The following ST14 variants were observed in gnomAD, a reference collection of about 807,000 sequenced individuals.
The protein encoded by ST14 is ST14 transmembrane serine protease matriptase, also known as suppressor of tumorigenicity 14 protein.
A neutral mutation model predicts 96.5 loss-of-function variants in ST14; 40 were observed. The observed-to-expected ratio is 0.41, with a 90% confidence interval of 0.32 to 0.54. The LOEUF is 0.54. ST14 is among the 20% of genes least tolerant of loss of function. The pLI, the probability that ST14 is intolerant of heterozygous loss-of-function variation, is 0.17. For synonymous variants in ST14, 506 were observed against 492.1 expected (o/e 1.03, Z -0.37); for missense variants, 1,066 against 1,188.9 (o/e 0.90, Z 1.52).
rs1229724952 is a variant in ST14 at position 130,209,613 on chromosome 11, C to A, written c.2406+35C>A. 4.4e-6 allele frequency: 7 copies of A among 1,592,282 alleles called. No homozygotes were observed. In the Admixed American group the frequency reaches 1.2e-4, roughly 28 times the overall value. On this transcript the variant is annotated intron_variant, in intron 18 of 18. Coordinates refer to ENST00000278742, the MANE Select transcript of ST14 (RefSeq NM_021978.4). The stretch of plus-strand genomic sequence containing the variant: ...GGGGCAGGAGGGCGGCAGGTGGGCC[C>A]CGGGAGAGGCGGGACTGGGGACTCA...
At chr11:130,194,976 C>T (rs1953345605) in intron 9 of ST14, among the ~76,000 whole-genome samples, 1 of 151,980 alleles carries the variant, frequency 6.6e-6, no homozygotes, top group Non-Finnish European at 1.5e-5. Flanking sequence ...AGCCAGATGT[C>T]GTGACTCACA....
rs1455393392 is a variant in ST14, at chr11:130,194,756, G to A, written c.1113+19G>A. 3 of 1,612,000 alleles carry A rather than the reference G, an allele frequency of 1.9e-6. No homozygotes were observed. The highest frequency in any genetic ancestry group is 2.5e-6 in the Non-Finnish European group (3 of 1,178,452). ...CATTGAGGTAGGAGCTATGGGGCGT[G>A]TGAACGTGTGTGTGTGTGAGCATGT... On this transcript the variant is annotated intron_variant, in intron 9 of 18. Coordinates refer to ENST00000278742, the MANE Select transcript of ST14 (RefSeq NM_021978.4).
intron 15 of ST14, among the ~76,000 whole-genome samples, chr11:130,199,412 G>A (rs1338841620): frequency 6.6e-6 from 1 of 152,172 alleles, no homozygotes; most frequent in Non-Finnish European, 1.5e-5. Flanking sequence ...CAAGCCCAAG[G>A]CAGGGTGTCA....
At chr11:130,163,323 T>A (rs980425742) in intron 1 of ST14, among the ~76,000 whole-genome samples, 8 of 152,226 alleles carry the variant, frequency 5.3e-5, no homozygotes, top group African/African-American at 1.9e-4. Context: ...CTAGGAGAAA[T>A]ATCTTTCTAT....
chr11:130,159,950 C>A lies in ST14; in HGVS notation c.-30C>A, dbSNP rs1051227928. On this transcript the variant is annotated 5_prime_UTR_variant, in exon 1 of 19. The change creates a new upstream start codon in the 5' untranslated region. Transcript: ENST00000278742. ...AGCCGGCCGCCGGCAGGGACGACGC[C>A]TGTGAGACCCGCGAGCGGCCTCGGG... 7 of 1,289,414 alleles carry A rather than the reference C, an allele frequency of 5.4e-6. No individual in the cohort carries two copies. The South Asian group carries it at 1.4e-4, about 26-fold the overall frequency. 79.9% of individuals were successfully genotyped at this position (1,289,414 alleles called of 1,614,324 possible).
chr11:130,166,542 T>G (rs1308226651), intron 1 of ST14, among the ~76,000 whole-genome samples: 3 of 152,214 alleles, frequency 2.0e-5, no homozygotes. Flanking sequence ...ACTTGGGGCA[T>G]TTGCCTACCA....
intron 9 of ST14, among the ~76,000 whole-genome samples, 185 bp downstream of exon 9, chr11:130,194,922 CAG>C (rs1280292807): frequency 6.6e-6 from 1 of 151,776 alleles, no homozygotes; most frequent in African/African-American, 2.4e-5. Flanking sequence ...ATGAGGAAGA[CAG>C]AAGAAAAGGA....
intron 1 of ST14, among the ~76,000 whole-genome samples, chr11:130,176,631 G>A (rs1344153221): frequency 6.0e-5 from 9 of 151,108 alleles, no homozygotes; most frequent in Non-Finnish European, 5.9e-5. Context: ...CTCATGATCC[G>A]CCTGCCTCGG....
chr11:130,168,311 G>A (rs906148449), intron 1 of ST14, among the ~76,000 whole-genome samples: 2 of 152,166 alleles, frequency 1.3e-5, no homozygotes, highest in African/African-American at 4.8e-5. Flanking sequence ...TGTCTTCAAG[G>A]GAAGATGACT....
Position 130,208,678 on chromosome 11 carries a change from T to TATGG in ST14, c.2265_2268dup (p.Gly757TrpfsTer12). ...GGTCACGGGCTGGGGACACACCCAGTATGGAGGTAAGCTTCGGGCTGACCT... is the reference window on the plus strand; with the variant it reads ...GGTCACGGGCTGGGGACACACCCAGTATGGATGGAGGTAAGCTTCGGGCTGACCT... On this transcript the variant is annotated frameshift_variant, in exon 17 of 19. Transcript: ENST00000278742. LOFTEE classifies it high-confidence loss of function. 6.2e-7 allele frequency: 1 copy of TATGG among 1,612,756 alleles called. No individual in the cohort carries two copies. Among genetic ancestry groups the TATGG allele is most frequent in the Non-Finnish European group, 8.5e-7 (1 of 1,179,308 alleles).
rs1251433484 is a variant in ST14 at position 130,159,802 on chromosome 11, GGAGAAA to G, written c.-174_-169del. ...GGAGTGTGAGAGCGGAGCTGCAGCC[GGAGAAA>G]GAGGAAGAGGGAGAGAGAGCGCGCC... On this transcript the variant is annotated 5_prime_UTR_variant, in exon 1 of 19. Transcript: ENST00000278742. The G allele has an allele frequency of 4.9e-6, 1 of 205,364 alleles. No individual in the cohort carries two copies. Among genetic ancestry groups the G allele is most frequent in the Non-Finnish European group, 9.5e-6 (1 of 104,826 alleles). The allele number at this position is 205,364 out of a possible 1,614,324, so 12.7% of individuals were successfully genotyped here. A position where few individuals can be genotyped will look rare whatever the true frequency, so the allele number is the denominator to read the frequency against.
chr11:130,195,761 G>A (rs1387889131), intron 9 of ST14, among the ~76,000 whole-genome samples: 1 of 151,758 alleles, frequency 6.6e-6, no homozygotes, highest in Non-Finnish European at 1.5e-5. Context: ...ACTGAGGCAG[G>A]AAAGTAGCTT....
rs1227547826 is a variant in ST14 at position 130,181,961 on chromosome 11, G to A, written c.82-6153G>A. ...CAGCCTCGCTCCGTGGCAGAGTCTG[G>A]GGTGACCCCTGAGTCAATGCCCTCA... On this transcript the variant is annotated intron_variant, in intron 1 of 18. Coordinates refer to ENST00000278742, the MANE Select transcript of ST14 (RefSeq NM_021978.4). This position sits in a 1 kb window ranked among gnomAD's most constrained non-coding sequence, Gnocchi z 4.1. Among the ~76,000 whole-genome samples the A allele has an allele frequency of 6.6e-6, 1 of 152,184 alleles. No individual in the cohort carries two copies.
At chr11:130,184,313 G>A (rs1953219043) in intron 1 of ST14, among the ~76,000 whole-genome samples, 1 of 152,196 alleles carries the variant, frequency 6.6e-6, no homozygotes, top group Non-Finnish European at 1.5e-5. Context: ...GTTTGCAAGA[G>A]CAAGTCAAAG....
rs1419503075 is a variant in ST14 at position 130,187,072 on chromosome 11, T to C, written c.82-1042T>C. Among the ~76,000 whole-genome samples, 1 of 152,008 alleles carries C rather than the reference T, an allele frequency of 6.6e-6. No individual in the cohort carries two copies. The highest frequency in any genetic ancestry group is 2.4e-5 in the African/African-American group (1 of 41,366). Reference sequence around the variant, plus strand: ...GACATATCAGCTTAAATTTACACTGTCGAATTACGAGATCACCACCAGAAG... The same window carrying C: ...GACATATCAGCTTAAATTTACACTGCCGAATTACGAGATCACCACCAGAAG... On this transcript the variant is annotated intron_variant, in intron 1 of 18. Transcript: ENST00000278742. The surrounding 1 kb of genome is among the most constrained non-coding windows in gnomAD (Gnocchi z 4.5).
intron 1 of ST14, among the ~76,000 whole-genome samples, chr11:130,165,273 G>A (rs1427999083): frequency 6.6e-6 from 1 of 152,172 alleles, no homozygotes; most frequent in African/African-American, 2.4e-5. Flanking sequence ...GTAAGAAACT[G>A]GATTTCTCTT....
chr11:130,169,046 C>T (rs1953065148), intron 1 of ST14, among the ~76,000 whole-genome samples: 1 of 150,422 alleles, frequency 6.6e-6, no homozygotes, highest in African/African-American at 2.5e-5. Flanking sequence ...AAAAAAAAGC[C>T]AACAGTCCCA....
chr11:130,205,053 C>T (rs924138057), intron 16 of ST14, among the ~76,000 whole-genome samples: 2 of 152,010 alleles, frequency 1.3e-5, no homozygotes, highest in Admixed American at 6.5e-5. Context: ...TGTATTTTTC[C>T]AATGTTTTAT....
Position 130,160,041 on chromosome 11 carries a change from A to T in ST14, c.62A>T (p.Lys21Met). ...CCGAAGGACTTCGGCGCGGGACTCA[A>T]GTACAACTCCCGGCACGAGGTGAGC... ...GGPKDFGAGLKYNSRHEKVNG... is the reference protein window; with the variant it reads ...GGPKDFGAGLMYNSRHEKVNG... Residue 21 changes from lysine to methionine, a missense_variant, in exon 1 of 19, where the codon AAG becomes ATG. By Grantham distance (95) the Lys-to-Met change is moderately conservative (BLOSUM62 -1). Transcript: ENST00000278742. 1.4e-6 allele frequency: 2 copies of T among 1,436,924 alleles called. No individual in the cohort carries two copies. The highest frequency in any genetic ancestry group is 1.8e-6 in the Non-Finnish European group (2 of 1,087,432). 89.0% of individuals were successfully genotyped at this position (1,436,924 alleles called of 1,614,324 possible). A position where few individuals can be genotyped will look rare whatever the true frequency, so the allele number is the denominator to read the frequency against.
Sources: gnomAD v4.1 joint callset for allele counts (sites outside exome capture counted in the v4.1 genomes callset) on GRCh38, gnomAD v4.1.1 for gene constraint, Gnocchi (gnomAD v3.1) non-coding constraint, MANE v1.5 for transcripts, NCBI Gene and HGNC (gene_info 2026-07-23, HGNC 2026-07-21) for gene names.